OPRM1: variants seen among roughly 807,000 people sequenced by gnomAD.
OPRM1 encodes mu-type opioid receptor.
A neutral mutation model predicts 31.8 loss-of-function variants in OPRM1; 27 were observed. The ratio of observed to expected loss-of-function variants is 0.85; its 90% CI spans 0.63 to 1.17. OPRM1 has a LOEUF of 1.17. OPRM1 is among the 50% of genes most tolerant of loss of function. OPRM1 has a pLI of 0.00. For missense variants in OPRM1, 536 were observed against 511.1 expected (o/e 1.05, Z -0.47); for synonymous variants, 196 against 189.9 (o/e 1.03, Z -0.26).
intron 3 of OPRM1, among the ~76,000 whole-genome samples, chr6:154,095,283 C>T (rs1343049822): frequency 6.6e-6 from 1 of 152,170 alleles, no homozygotes; most frequent in Non-Finnish European, 1.5e-5. Context: ...AAGAACGAAA[C>T]TCCATCTCAA....
chr6:154,057,727 T>C (rs1339080814), intron 1 of OPRM1, among the ~76,000 whole-genome samples: 3 of 152,228 alleles, frequency 2.0e-5, no homozygotes, highest in African/African-American at 4.8e-5. Flanking sequence ...AGCAGAGTCC[T>C]GTATGAGTGG....
chr6:154,139,344 T>C (rs1798140205), intron 3 of OPRM1, among the ~76,000 whole-genome samples: 1 of 151,762 alleles, frequency 6.6e-6, no homozygotes, highest in South Asian at 2.1e-4. Context: ...ATTGGAGAGG[T>C]CAAGAGGGGG....
chr6:154,089,371 G>A (rs1348581473), intron 1 of OPRM1, among the ~76,000 whole-genome samples: 2 of 151,972 alleles, frequency 1.3e-5, no homozygotes, highest in Non-Finnish European at 2.9e-5. Context: ...AGGACTGCTT[G>A]AGCCCAAGAG....
At chr6:154,156,826 G>A (rs1020383648) in intron 3 of OPRM1, 6 of 152,260 alleles carry the variant, frequency 3.9e-5, no homozygotes, top group South Asian at 4.1e-4. Context: ...ATCACATCAG[G>A]CTCCGTTCTG....
At chr6:154,200,841 T>G (rs1777008979) in intron 3 of OPRM1, among the ~76,000 whole-genome samples, 1 of 152,206 alleles carries the variant, frequency 6.6e-6, no homozygotes, top group Non-Finnish European at 1.5e-5. Context: ...TTTTCATCAG[T>G]ACACAGAGAA....
intron 3 of OPRM1, chr6:154,214,220 T>G (rs771407698): frequency 6.3e-7 from 1 of 1,597,846 alleles, no homozygotes; most frequent in Non-Finnish European, 8.6e-7. Flanking sequence ...GAACATACCT[T>G]CATCCTTTGT....
chr6:154,075,755 G>C (rs1380968121), intron 1 of OPRM1, among the ~76,000 whole-genome samples: 2 of 152,184 alleles, frequency 1.3e-5, no homozygotes, highest in Non-Finnish European at 2.9e-5. Flanking sequence ...TGAAGACTTG[G>C]AAGACTCAAC....
rs200362338 is a variant in OPRM1 at position 154,039,757 on chromosome 6, C to G, written c.213C>G (p.Ile71Met). 6.2e-7 allele frequency: 1 copy of G among 1,606,648 alleles called. No individual in the cohort carries two copies. The highest frequency in any genetic ancestry group is 8.5e-7 in the Non-Finnish European group (1 of 1,179,948). The part of the protein sequence containing the change: ...PTGSPSMITA[I>M]TIMALYSIVC... ...GCAGTCCCTCCATGATCACGGCCAT[C>G]ACGATCATGGCCCTCTACTCCATCG... Residue 71 changes from isoleucine (I) to methionine (M), a missense_variant, in exon 1 of 4, where the codon ATC becomes ATG. Physicochemically the swap from Ile to Met is conservative, Grantham distance 10. Coordinates refer to ENST00000330432, the MANE Select transcript of OPRM1 (RefSeq NM_000914.5).
chr6:154,033,631 A>G (rs1328356858), intron 1 of OPRM1, among the ~76,000 whole-genome samples: 1 of 152,240 alleles, frequency 6.6e-6, no homozygotes, highest in East Asian at 1.9e-4. Context: ...ATTGAAGGCT[A>G]TAATGCAAAA....
intron 1 of OPRM1, among the ~76,000 whole-genome samples, chr6:154,017,868 G>A (rs1202828252): frequency 7.4e-6 from 1 of 135,944 alleles, no homozygotes; most frequent in Non-Finnish European, 1.6e-5. Context: ...CTATATAACT[G>A]TGCTGTTTCC....
rs921096731 is a variant in OPRM1 at position 154,138,909 on chromosome 6, C to T, written c.1164+47437C>T. Among the ~76,000 whole-genome samples the T allele has an allele frequency of 7.2e-5, 11 of 152,138 alleles. No homozygotes were observed. In the South Asian group the frequency reaches 8.3e-4, roughly 11 times the overall value. On this transcript the variant is annotated intron_variant, in intron 3 of 3. Coordinates refer to the OPRM1 transcript ENST00000337049. ...CAGACTCTACACTTGATGGATCAAC[C>T]GGCACTACCCAGATTGAGAAACCAG...
At chr6:154,076,568 A>C (rs1330764918) in intron 1 of OPRM1, among the ~76,000 whole-genome samples, 1 of 152,206 alleles carries the variant, frequency 6.6e-6, no homozygotes, top group Non-Finnish European at 1.5e-5. Context: ...CTGTAATCCC[A>C]GCACTTTTGG....
intron 3 of OPRM1, among the ~76,000 whole-genome samples, chr6:154,152,390 A>AAGAAAG (rs1360734115): frequency 7.9e-6 from 1 of 126,198 alleles, no homozygotes; most frequent in African/African-American, 3.1e-5. Context: ...GAAAGAAAGA[A>AAGAAAG]AGAGAAATAG....
intron 3 of OPRM1, among the ~76,000 whole-genome samples, chr6:154,172,160 T>C (rs148040304): frequency 2.0e-3 from 310 of 152,350 alleles, no homozygotes; most frequent in African/African-American, 6.9e-3. Flanking sequence ...GTAAAAATTA[T>C]TATCATTGCT....
chr6:154,211,418 GAA>G (rs78285288), intron 3 of OPRM1, among the ~76,000 whole-genome samples: 2 of 107,090 alleles, frequency 1.9e-5, no homozygotes. Flanking sequence ...CAAAAACAAA[GAA>G]AAAAAAAAAA....
rs887078497 is a variant in OPRM1 at position 154,124,924 on chromosome 6, G to A, written c.*6203G>A. Reference sequence around the variant, plus strand: ...ATCTCTAAAAGCACTCAGACATTTTGTAGAGCAAGTAGCAATCTATTCAAA... The same window carrying A: ...ATCTCTAAAAGCACTCAGACATTTTATAGAGCAAGTAGCAATCTATTCAAA... On this transcript the variant is annotated 3_prime_UTR_variant, in exon 4 of 4. Transcript: ENST00000330432. Among the ~76,000 whole-genome samples the A allele has an allele frequency of 3.3e-5, 5 of 152,166 alleles. No individual in the cohort carries two copies. The highest frequency in any genetic ancestry group is 1.2e-4 in the African/African-American group (5 of 41,444).
upstream of OPRM1, among the ~76,000 whole-genome samples, chr6:154,037,506 A>T (rs1300265673): frequency 6.6e-6 from 1 of 152,096 alleles, no homozygotes; most frequent in Non-Finnish European, 1.5e-5. Flanking sequence ...TTCAGAGCAG[A>T]TAGACAAACT....
Position 154,039,371 on chromosome 6 carries a change from C to T in OPRM1, c.-174C>T, listed in dbSNP as rs1488494286. 3 of 1,544,264 alleles carry T rather than the reference C, an allele frequency of 1.9e-6. No homozygotes were observed. The highest frequency in any genetic ancestry group is 1.8e-6 in the Non-Finnish European group (2 of 1,142,530). On this transcript the variant is annotated 5_prime_UTR_variant, in exon 1 of 4. The change creates a premature stop within an existing upstream ORF in the 5' untranslated region. Transcript: ENST00000330432. Reference sequence around the variant, plus strand: ...TACGCAGAGGAGAATGTCAGATGCTCAGCTCGGTCCCCTCCGCCTGACGCT... The same window carrying T: ...TACGCAGAGGAGAATGTCAGATGCTTAGCTCGGTCCCCTCCGCCTGACGCT...
At chr6:154,092,838 G>A (rs937579266) in intron 3 of OPRM1, among the ~76,000 whole-genome samples, 1 of 152,204 alleles carries the variant, frequency 6.6e-6, no homozygotes, top group Non-Finnish European at 1.5e-5. Context: ...GGTAATGATG[G>A]CAGACCCACT....
Sources: allele counts gnomAD v4.1 joint callset (sites outside exome capture counted in the v4.1 genomes callset), GRCh38; gene constraint gnomAD v4.1.1; transcripts MANE v1.5; gene names NCBI Gene and HGNC (gene_info 2026-07-23, HGNC 2026-07-21).